The following KAZN variants were observed in gnomAD, a reference collection of about 807,000 sequenced individuals.
KAZN encodes kazrin.
In KAZN, 40 loss-of-function variants were observed where a neutral mutation model predicts 87.4. The observed-to-expected ratio is 0.46, with a 90% CI of 0.36 to 0.60. The LOEUF is 0.60. KAZN is among the 20% of genes least tolerant of loss of function. KAZN has a pLI of 0.00. For missense variants in KAZN, 898 were observed against 1,073.9 expected (o/e 0.84, Z 2.29); for synonymous variants, 466 against 458.3 (o/e 1.02, Z -0.22).
intron 2 of KAZN, among the ~76,000 whole-genome samples, chr1:14,528,867 A>T (rs953516487): frequency 1.3e-5 from 2 of 151,986 alleles, no homozygotes; most frequent in African/African-American, 4.8e-5. Flanking sequence ...TCTCCTCTGA[A>T]CAAACTCCAC....
chr1:15,017,379 C>T (rs1441005232), intron 2 of KAZN, among the ~76,000 whole-genome samples: 2 of 152,346 alleles, frequency 1.3e-5, no homozygotes, highest in East Asian at 3.9e-4. Flanking sequence ...GTTGAATAAA[C>T]ATAAACCCTT....
chr1:14,854,522 A>T (rs1355831071), intron 1 of KAZN, among the ~76,000 whole-genome samples: 1 of 152,138 alleles, frequency 6.6e-6, no homozygotes, highest in African/African-American at 2.4e-5. Flanking sequence ...GTCAAAGGGG[A>T]TGCAGACCCA....
At chr1:14,823,505 C>T (rs533762770) in intron 1 of KAZN, among the ~76,000 whole-genome samples, 5 of 152,222 alleles carry the variant, frequency 3.3e-5, no homozygotes, top group Admixed American at 2.6e-4. Flanking sequence ...TGGGGGGTCG[C>T]TTTGGTTGTC....
chr1:14,045,125 C>T (rs1642010399), intron 1 of KAZN, among the ~76,000 whole-genome samples: 3 of 152,286 alleles, frequency 2.0e-5, no homozygotes, highest in South Asian at 4.1e-4. Flanking sequence ...CCTCAGCCAC[C>T]TCAGCTGAGA....
At chr1:14,871,667 T>TGTGTGTGTGC (rs1208210818) in intron 1 of KAZN, among the ~76,000 whole-genome samples, 42 of 151,878 alleles carry the variant, frequency 2.8e-4, no homozygotes, top group African/African-American at 9.9e-4. Flanking sequence ...TGTGTGTGTG[T>TGTGTGTGTGC]GTGTGTGTGT....
rs77305312 is a variant in KAZN, at chr1:14,235,887, C to T, written c.249+55295C>T. On this transcript the variant is annotated intron_variant, in intron 2 of 16. Transcript: ENST00000636203. The stretch of plus-strand genomic sequence containing the variant: ...TTGAGCAACTCTCCACGGTCTTGTA[C>T]AGGCACAGGAGCAGCTTTTTGGGTT... Among the ~76,000 whole-genome samples, 25 of 152,250 alleles carry T rather than the reference C, an allele frequency of 1.6e-4. No individual in the cohort carries two copies. In the East Asian group the frequency reaches 3.9e-3, roughly 24 times the overall value.
intron 1 of KAZN, among the ~76,000 whole-genome samples, chr1:14,114,978 A>G (rs1644583116): frequency 6.6e-6 from 1 of 152,216 alleles, no homozygotes; most frequent in African/African-American, 2.4e-5. Flanking sequence ...ATTGTGTACA[A>G]ACCCCACCTT....
intron 2 of KAZN, among the ~76,000 whole-genome samples, chr1:14,336,831 A>C (rs1271778409): frequency 1.3e-5 from 2 of 152,158 alleles, no homozygotes; most frequent in African/African-American, 4.8e-5. Flanking sequence ...TTTTTTATAT[A>C]ATCTGGTACT....
intron 2 of KAZN, among the ~76,000 whole-genome samples, chr1:14,352,442 A>G (rs1423326906): frequency 1.3e-5 from 2 of 152,230 alleles, no homozygotes; most frequent in Non-Finnish European, 2.9e-5. Context: ...CATTTTCTAC[A>G]GTAAAATTGA....
At chr1:14,525,289 T>C (rs1671803017) in intron 2 of KAZN, among the ~76,000 whole-genome samples, 1 of 151,936 alleles carries the variant, frequency 6.6e-6, no homozygotes, top group Non-Finnish European at 1.5e-5. Context: ...TGTGCTCTAA[T>C]AGGTAGTTTG....
chr1:15,044,937 C>T (rs1673323531), intron 4 of KAZN, among the ~76,000 whole-genome samples: 1 of 152,094 alleles, frequency 6.6e-6, no homozygotes, highest in Non-Finnish European at 1.5e-5. Flanking sequence ...ATTAAGGAAA[C>T]AAATAATTTT....
chr1:14,407,083 G>A (rs1394922976), intron 2 of KAZN, among the ~76,000 whole-genome samples: 1 of 152,200 alleles, frequency 6.6e-6, no homozygotes, highest in African/African-American at 2.4e-5. Context: ...TAGCTTCAGA[G>A]ACTTGCTTTG....
At chr1:13,973,718 T>C (rs143832490) in intron 1 of KAZN, among the ~76,000 whole-genome samples, 34 of 152,348 alleles carry the variant, frequency 2.2e-4, no homozygotes, top group African/African-American at 7.9e-4. Flanking sequence ...GTGTCGTGCA[T>C]CTTCTGCTGA....
At chr1:14,110,312 C>A (rs1644473559) in intron 1 of KAZN, among the ~76,000 whole-genome samples, 1 of 152,126 alleles carries the variant, frequency 6.6e-6, no homozygotes, top group Non-Finnish European at 1.5e-5. Flanking sequence ...TTTTGGAGGC[C>A]AAATCCCTCA....
rs563086312 is a variant in KAZN at position 14,321,744 on chromosome 1, A to G, written c.249+141152A>G. 1.3e-3 allele frequency among the ~76,000 whole-genome samples: 193 copies of G among 152,318 alleles called. 1 individual carries two copies. In the Middle Eastern group the frequency reaches 0.017, roughly 13 times the overall value. On this transcript the variant is annotated intron_variant, in intron 2 of 16. Coordinates refer to the KAZN transcript ENST00000636203. ...GCAGGTGGTGGGGCAATATTTTTCT[A>G]TGATTAATCACATAGCCCGAATTCA... is the stretch of plus-strand genomic sequence containing the variant.
chr1:14,248,361 T>C (rs1649704244), intron 2 of KAZN, among the ~76,000 whole-genome samples: 1 of 152,206 alleles, frequency 6.6e-6, no homozygotes, highest in Non-Finnish European at 1.5e-5. Context: ...TTTGTTAGCA[T>C]TTGCTGTGTA....
At chr1:15,071,567 T>G (rs1184904232) in intron 8 of KAZN, among the ~76,000 whole-genome samples, 1 of 152,220 alleles carries the variant, frequency 6.6e-6, no homozygotes, top group Non-Finnish European at 1.5e-5. Context: ...GGTATGGATA[T>G]TTCATACCTG....
Position 15,099,516 on chromosome 1 carries a change from A to G in KAZN, c.1548-2027A>G, listed in dbSNP as rs547757438. Reference sequence around the variant, plus strand: ...GGATGAGGAGGGGTGAGCCCTGGGCAGGGTTGCAAGGGGCTGGCCGGGGAG... The same window carrying G: ...GGATGAGGAGGGGTGAGCCCTGGGCGGGGTTGCAAGGGGCTGGCCGGGGAG... On this transcript the variant is annotated intron_variant, in intron 10 of 14. Coordinates refer to ENST00000376030, the MANE Select transcript of KAZN (RefSeq NM_201628.3). This position sits in a 1 kb window ranked among gnomAD's most constrained non-coding sequence, Gnocchi z 5.4. 1.3e-5 allele frequency among the ~76,000 whole-genome samples: 2 copies of G among 151,974 alleles called. No homozygotes were observed. The highest frequency in any genetic ancestry group is 2.1e-4 in the South Asian group (1 of 4,780).
At position 14,130,404 on chromosome 1, in the gene KAZN, T is replaced by C. The variant is rs941215970; in HGVS notation, c.92-50031T>C. On this transcript the variant is annotated intron_variant, in intron 1 of 16. Coordinates refer to the KAZN transcript ENST00000636203. ...AGTGCCTGTTGGTATATTTTCACCA[T>C]TAATAAGCTGATTTTTTTATTATTA... 2.0e-5 allele frequency among the ~76,000 whole-genome samples: 3 copies of C among 152,252 alleles called. 1 individual carries two copies. Among genetic ancestry groups the C allele is most frequent in the African/African-American group, 7.2e-5 (3 of 41,464 alleles).
Sources: allele counts gnomAD v4.1 joint callset (sites outside exome capture counted in the v4.1 genomes callset), GRCh38; gene constraint gnomAD v4.1.1; non-coding constraint Gnocchi (gnomAD v3.1); transcripts MANE v1.5; gene names NCBI Gene and HGNC (gene_info 2026-07-23, HGNC 2026-07-21).